Variants in AP2B1 observed in about 807,000 individuals in gnomAD.
The protein encoded by AP2B1 is AP-2 complex subunit beta.
A neutral mutation model predicts 102.0 loss-of-function variants in AP2B1; 23 were observed. The observed-to-expected ratio is 0.23, with a 90% confidence interval of 0.16 to 0.32. The LOEUF is 0.32. Among genes scored for constraint, AP2B1 ranks in the 10% least tolerant of loss-of-function variants. The pLI, the probability that AP2B1 is intolerant of heterozygous loss-of-function variation, is 1.00. For synonymous variants in AP2B1, 381 were observed against 421.2 expected, an observed-to-expected ratio of 0.90 and a Z score of 1.17; for missense variants, 541 against 1,157.4, an observed-to-expected ratio of 0.47 and a Z score of 7.73.
At chr17:35,656,710 C>T (rs889494746) in intron 13 of AP2B1, among the ~76,000 whole-genome samples, 10 of 151,924 alleles carry the variant, frequency 6.6e-5, no homozygotes, top group South Asian at 6.3e-4. Flanking sequence ...GGTGATACCC[C>T]GTCTCTACTA....
intron 18 of AP2B1, among the ~76,000 whole-genome samples, chr17:35,704,522 A>G (rs983373733): frequency 6.6e-6 from 1 of 152,204 alleles, no homozygotes; most frequent in Non-Finnish European, 1.5e-5. Flanking sequence ...ATGCTAGCGA[A>G]GATGAGAGAC....
chr17:35,665,047 C>T (rs1479178594), intron 14 of AP2B1, among the ~76,000 whole-genome samples: 1 of 150,674 alleles, frequency 6.6e-6, no homozygotes, highest in Non-Finnish European at 1.5e-5. Flanking sequence ...TCTTAGCCAT[C>T]AGTTTATTAG....
intron 11 of AP2B1, among the ~76,000 whole-genome samples, 188 bp downstream of exon 11, chr17:35,639,948 G>A (rs547984360): frequency 5.9e-5 from 9 of 152,222 alleles, no homozygotes; most frequent in African/African-American, 1.7e-4. Context: ...ACAGAGTCTC[G>A]CTTTGTTGTC....
intron 5 of AP2B1, among the ~76,000 whole-genome samples, chr17:35,617,267 GCTGGT>G (rs1474425274): frequency 1.3e-5 from 2 of 152,258 alleles, no homozygotes; most frequent in Middle Eastern, 3.4e-3. Flanking sequence ...TGTTGGCCAT[GCTGGT>G]CTTGAATTCC....
intron 18 of AP2B1, among the ~76,000 whole-genome samples, chr17:35,684,800 A>G (rs12949341): frequency 0.36 from 54,254 of 152,062 alleles, 9,878 homozygotes; most frequent in East Asian, 0.45. Context: ...GAGGACAGTC[A>G]GCATGCACGC....
At chr17:35,612,881 C>T (rs946044618) in intron 5 of AP2B1, among the ~76,000 whole-genome samples, 58 of 19,216 alleles carry the variant, frequency 3.0e-3, no homozygotes, top group African/African-American at 0.011. Flanking sequence ...TGTATGTGCG[C>T]ACACACACAC....
chr17:35,626,067 A>G (rs1476643780), intron 6 of AP2B1, among the ~76,000 whole-genome samples: 1 of 152,158 alleles, frequency 6.6e-6, no homozygotes, highest in Non-Finnish European at 1.5e-5. Context: ...GTGTCCTGCT[A>G]TTTAAAAAAC....
At chr17:35,648,387 G>A (rs115572336) in intron 12 of AP2B1, among the ~76,000 whole-genome samples, 2,653 of 152,074 alleles carry the variant, frequency 0.017, 51 homozygotes, top group African/African-American at 0.048. Flanking sequence ...GTGGTGGTGC[G>A]TACCAATAAT....
chr17:35,597,078 G>T (rs564242941), intron 2 of AP2B1: 1 of 550,698 alleles, frequency 1.8e-6, no homozygotes, highest in South Asian at 1.7e-5. Flanking sequence ...ACCCCTGGGC[G>T]CCCCCGCTCC....
intron 18 of AP2B1, 117 bp downstream of exon 18, chr17:35,682,941 G>A (rs1294642488): frequency 1.9e-5 from 19 of 999,518 alleles, no homozygotes; most frequent in African/African-American, 3.4e-5. Context: ...GTAGTGGTGC[G>A]ATCTTGGCTC....
Position 35,670,848 on chromosome 17 carries a change from C to G in AP2B1, c.1990-9C>G. ...CCTCTCTCTCCTCTCTCTCCTTTCT[C>G]TCTTTCAGCTTGGCAGTGACCTTGG... On this transcript the variant is annotated splice_polypyrimidine_tract_variant and intron_variant, in intron 14 of 21. Transcript: ENST00000610402. 1 of 1,613,902 alleles carries G rather than the reference C, an allele frequency of 6.2e-7. No homozygotes were observed. Among genetic ancestry groups the G allele is most frequent in the Non-Finnish European group, 8.5e-7 (1 of 1,179,902 alleles).
chr17:35,642,327 A>G (rs1375644379), intron 12 of AP2B1, among the ~76,000 whole-genome samples: 5 of 152,156 alleles, frequency 3.3e-5, no homozygotes, highest in African/African-American at 1.2e-4. Context: ...TGGAGATAAT[A>G]GATGCCTCAG....
At chr17:35,712,633 A>T (rs1452455858) in intron 20 of AP2B1, among the ~76,000 whole-genome samples, 4 of 152,174 alleles carry the variant, frequency 2.6e-5, no homozygotes, top group Admixed American at 6.5e-5. Flanking sequence ...CGTCTCAAAA[A>T]AAAAATAAAA....
chr17:35,643,909 C>G (rs2074854107), intron 12 of AP2B1, among the ~76,000 whole-genome samples: 1 of 152,158 alleles, frequency 6.6e-6, no homozygotes, highest in African/African-American at 2.4e-5. Flanking sequence ...GATCAGCTTT[C>G]TTTTCCATAT....
At chr17:35,589,998 T>G (rs1018782008) in intron 1 of AP2B1, among the ~76,000 whole-genome samples, 12 of 146,560 alleles carry the variant, frequency 8.2e-5, no homozygotes, top group African/African-American at 1.3e-4. Flanking sequence ...CGATCTCGGC[T>G]CACTGCAAGC....
chr17:35,693,631 G>C (rs1369067679), intron 18 of AP2B1, among the ~76,000 whole-genome samples: 4 of 152,170 alleles, frequency 2.6e-5, no homozygotes, highest in African/African-American at 9.7e-5. Context: ...GGAGACTGAA[G>C]GAAAATATTA....
At chr17:35,597,495 T>C (rs768861165) in intron 2 of AP2B1, among the ~76,000 whole-genome samples, 3 of 152,220 alleles carry the variant, frequency 2.0e-5, no homozygotes, top group Non-Finnish European at 4.4e-5. Context: ...CCATTCTTGG[T>C]TTCAAGATTA....
intron 20 of AP2B1, among the ~76,000 whole-genome samples, chr17:35,711,430 C>G (rs1555587430): frequency 6.6e-6 from 1 of 150,656 alleles, no homozygotes; most frequent in Non-Finnish European, 1.5e-5. Flanking sequence ...AAAAAACACA[C>G]ACACACACAA....
At chr17:35,678,698 T>G (rs2075753401) in intron 17 of AP2B1, among the ~76,000 whole-genome samples, 1 of 152,266 alleles carries the variant, frequency 6.6e-6, no homozygotes, top group South Asian at 2.1e-4. Flanking sequence ...ATTCCTGGGA[T>G]AAATCCTACT....
Sources: allele counts gnomAD v4.1 joint callset (sites outside exome capture counted in the v4.1 genomes callset), GRCh38; gene constraint gnomAD v4.1.1; transcripts MANE v1.5; gene names NCBI Gene and HGNC (gene_info 2026-07-23, HGNC 2026-07-21).